Variants in TBC1D13 observed in about 807,000 individuals in gnomAD.
TBC1D13 encodes the protein TBC1 domain family member 13.
A neutral mutation model predicts 53.6 loss-of-function variants in TBC1D13; 40 were observed. The ratio of observed to expected loss-of-function variants is 0.75; its 90% CI spans 0.58 to 0.97. TBC1D13 has a LOEUF of 0.97. Among genes scored for constraint, TBC1D13 ranks in the 50% least tolerant of loss-of-function variants. TBC1D13 has a pLI of 0.00. For synonymous variants in TBC1D13, 182 were observed against 197.7 expected (o/e 0.92, Z 0.67); for missense variants, 377 against 499.4 (o/e 0.75, Z 2.34).
intron 6 of TBC1D13, among the ~76,000 whole-genome samples, chr9:128,794,203 G>A (rs913830874): frequency 5.3e-5 from 8 of 152,166 alleles, no homozygotes; most frequent in African/African-American, 1.9e-4. Context: ...GGAAGAAGGC[G>A]CATGGCAGGA....
At chr9:128,807,669 TG>T in intron 11 of TBC1D13, 144 bp from the exon 12 acceptor site, 1 of 792,948 alleles carries the variant, frequency 1.3e-6, no homozygotes, top group Non-Finnish European at 2.2e-6. Context: ...GTCTGGGGGT[TG>T]GGGAGTGTGG....
intron 7 of TBC1D13, 98 bp downstream of exon 7, chr9:128,797,312 C>A: frequency 7.6e-7 from 1 of 1,313,264 alleles, no homozygotes; most frequent in Non-Finnish European, 1.1e-6. Flanking sequence ...CCATGACCAT[C>A]TGCTTGACAG....
intron 7 of TBC1D13, among the ~76,000 whole-genome samples, chr9:128,798,688 A>C (rs1829679522): frequency 6.6e-6 from 1 of 152,154 alleles, no homozygotes; most frequent in African/African-American, 2.4e-5. Flanking sequence ...TAGTCAAACA[A>C]GTATATTATC....
In TBC1D13 at chr9:128,808,467, G is replaced by GTGTGTGTGTGTGTGTGT; in HGVS notation, c.*588_*589insTGTGTGTGTGTGTGTGT. On this transcript the variant is annotated 3_prime_UTR_variant, in exon 12 of 12. Transcript: ENST00000372648. ...TGTGTGTGTGTGTGTTAGGGAGTGA[G>GTGTGTGTGTGTGTGTGT]GGTCTCTCAGGCCTCCAGGTCTCCC... is the stretch of plus-strand genomic sequence containing the variant. 1 of 161,196 alleles carries GTGTGTGTGTGTGTGTGT rather than the reference G, an allele frequency of 6.2e-6. No individual in the cohort carries two copies. Among genetic ancestry groups the GTGTGTGTGTGTGTGTGT allele is most frequent in the South Asian group, 1.7e-4 (1 of 5,768 alleles). The allele number at this position is 161,196 out of a possible 1,614,324, so 10.0% of individuals were successfully genotyped here. A position where few individuals can be genotyped will look rare whatever the true frequency, so the allele number is the denominator to read the frequency against.
chr9:128,801,323 T>G (rs995189981), intron 7 of TBC1D13, among the ~76,000 whole-genome samples: 1 of 152,148 alleles, frequency 6.6e-6, no homozygotes, highest in Non-Finnish European at 1.5e-5. Context: ...CTTTCTTTGG[T>G]CTCTTGATTT....
intron 2 of TBC1D13, 81 bp from the exon 3 acceptor site, chr9:128,790,654 C>A: frequency 7.3e-7 from 1 of 1,362,350 alleles, no homozygotes; most frequent in Non-Finnish European, 9.9e-7. Flanking sequence ...ACTCTACTCC[C>A]CGCCAGTTGG....
At chr9:128,803,533 G>C (rs1589575323) in intron 8 of TBC1D13, 73 bp downstream of exon 8, 1 of 1,434,696 alleles carries the variant, frequency 7.0e-7, no homozygotes, top group Non-Finnish European at 9.7e-7. Flanking sequence ...TTTCCCTCTC[G>C]GGCCTCTGTT....
rs753656079 is a variant in TBC1D13 at position 128,787,309 on chromosome 9, A to T, written c.-45A>T. 4 of 1,255,440 alleles carry T rather than the reference A, an allele frequency of 3.2e-6. No individual in the cohort carries two copies. The highest frequency in any genetic ancestry group is 4.0e-6 in the Non-Finnish European group (4 of 994,520). 77.8% of individuals were successfully genotyped at this position (1,255,440 alleles called of 1,614,324 possible). A position where few individuals can be genotyped will look rare whatever the true frequency, so the allele number is the denominator to read the frequency against. Reference sequence around the variant, plus strand: ...GCGGCGGCGGCAGCGCAGGCGGCAGAGGCGCAGGCGGCGGAGGCGGCTGGG... The same window carrying T: ...GCGGCGGCGGCAGCGCAGGCGGCAGTGGCGCAGGCGGCGGAGGCGGCTGGG... On this transcript the variant is annotated 5_prime_UTR_variant, in exon 1 of 12. Coordinates refer to ENST00000372648, the MANE Select transcript of TBC1D13 (RefSeq NM_018201.5).
rs770792690 is a variant in TBC1D13 at position 128,791,663 on chromosome 9, G to T, written c.270G>T (p.Val90=). ...GCATTGCCAAGGCCAACATGGGTGT[G>T]TCCAGGGAGGATGTGACTTTTGAGG... ...QPGIAKANMG[V]SREDVTFEDH... The change falls in exon 5 of 12, where the codon GTG becomes GTT. Residue 90 remains valine (V), a synonymous_variant. Coordinates refer to ENST00000372648, the MANE Select transcript of TBC1D13 (RefSeq NM_018201.5). 4 of 1,614,240 alleles carry T rather than the reference G, an allele frequency of 2.5e-6. No individual in the cohort carries two copies. Among genetic ancestry groups the T allele is most frequent in the Non-Finnish European group, 3.4e-6 (4 of 1,180,040 alleles).
intron 7 of TBC1D13, among the ~76,000 whole-genome samples, chr9:128,797,873 C>G (rs1829663452): frequency 6.6e-6 from 1 of 152,168 alleles, no homozygotes; most frequent in Non-Finnish European, 1.5e-5. Flanking sequence ...TTTGGCAGGC[C>G]AAGACAGGCA....
At position 128,803,946 on chromosome 9, in the gene TBC1D13, T is replaced by C. The variant is rs370673153; in HGVS notation, c.755-10T>C. On this transcript the variant is annotated splice_polypyrimidine_tract_variant and intron_variant, in intron 8 of 11. Coordinates refer to ENST00000372648, the MANE Select transcript of TBC1D13 (RefSeq NM_018201.5). The stretch of plus-strand genomic sequence containing the variant: ...TGCGCCACTTCTGCCCCCATCCTGC[T>C]CTCTCCCAGAGCACGCCGAGGCAGA... 16 of 1,612,096 alleles carry C rather than the reference T, an allele frequency of 9.9e-6. No individual in the cohort carries two copies. The highest frequency in any genetic ancestry group is 1.3e-5 in the Non-Finnish European group (15 of 1,179,872).
chr9:128,807,730 G>A, intron 11 of TBC1D13, 84 bp from the exon 12 acceptor site: 1 of 1,437,148 alleles, frequency 7.0e-7, no homozygotes, highest in Non-Finnish European at 9.8e-7. Flanking sequence ...ATCCAGCATG[G>A]CAACGGGTCC....
At chr9:128,789,450 TCTTATTGCAGGATAA>T (rs1221781031) in intron 2 of TBC1D13, among the ~76,000 whole-genome samples, 1 of 152,008 alleles carries the variant, frequency 6.6e-6, no homozygotes, top group African/African-American at 2.4e-5. Context: ...AGCTTCCTGA[TCTTATTGCAGGATAA>T]CTTTGTCTTT....
chr9:128,801,031 G>A (rs1829723485), intron 7 of TBC1D13, among the ~76,000 whole-genome samples: 1 of 152,156 alleles, frequency 6.6e-6, no homozygotes, highest in Non-Finnish European at 1.5e-5. Context: ...AAAAATGCCA[G>A]GCGTGGTGGT....
intron 2 of TBC1D13, 93 bp from the exon 3 acceptor site, chr9:128,790,642 C>A: frequency 8.4e-7 from 1 of 1,183,710 alleles, no homozygotes; most frequent in Non-Finnish European, 1.2e-6. Context: ...TACTTCTTGC[C>A]CACTCTACTC....
At chr9:128,803,556 G>C (rs1829775529) in intron 8 of TBC1D13, 96 bp downstream of exon 8, 2 of 1,194,374 alleles carry the variant, frequency 1.7e-6, no homozygotes, top group African/African-American at 1.5e-5. Flanking sequence ...CCCTCTGCCA[G>C]ATGAGGAGTT....
At chr9:128,806,428 A>G (rs1409070714) in intron 11 of TBC1D13, 117 bp downstream of exon 11, 3 of 1,199,080 alleles carry the variant, frequency 2.5e-6, no homozygotes, top group South Asian at 1.2e-5. Flanking sequence ...AGTAGGGATT[A>G]AAGTCCAGAC....
intron 11 of TBC1D13, 67 bp downstream of exon 11, chr9:128,806,378 G>A (rs940514074): frequency 1.1e-5 from 17 of 1,579,060 alleles, no homozygotes; most frequent in Admixed American, 3.3e-5. Context: ...ACCTGCCCAC[G>A]CCAGCTGCTG....
At chr9:128,793,624 C>G (rs776268205) in intron 6 of TBC1D13, among the ~76,000 whole-genome samples, 2 of 152,204 alleles carry the variant, frequency 1.3e-5, no homozygotes, top group Non-Finnish European at 2.9e-5. Flanking sequence ...TCCACAGATA[C>G]GTGGGACTTA....
Sources: gnomAD v4.1 joint callset for allele counts (sites outside exome capture counted in the v4.1 genomes callset) on GRCh38, gnomAD v4.1.1 for gene constraint, MANE v1.5 for transcripts, NCBI Gene and HGNC (gene_info 2026-07-23, HGNC 2026-07-21) for gene names.